Variants in MAF observed in about 807,000 individuals in gnomAD.
The protein encoded by MAF is transcription factor Maf.
In MAF, 10 loss-of-function variants were observed where a neutral mutation model predicts 22.0. The observed-to-expected ratio is 0.45, with a 90% CI of 0.28 to 0.77. The LOEUF (loss-of-function observed/expected upper bound fraction) is 0.77, where lower values mean the gene tolerates loss of function less well. Ranked by LOEUF, MAF falls within the 30% of genes least tolerant of loss-of-function variation. The pLI is 0.12. For synonymous variants in MAF, 337 were observed against 255.8 expected (o/e 1.32, Z -3.03); for missense variants, 544 against 548.4 (o/e 0.99, Z 0.08).
the MAF span, among the ~76,000 whole-genome samples, chr16:79,540,988 T>C: frequency 1.3e-5 from 2 of 151,812 alleles, no homozygotes. Context: ...TTACTACGGT[T>C]ACTACAACTG....
the MAF span, among the ~76,000 whole-genome samples, chr16:79,240,800 G>C: frequency 3.9e-5 from 6 of 152,014 alleles, no homozygotes; most frequent in South Asian, 4.2e-4. Flanking sequence ...GAGAGCTTCG[G>C]CTGGCATCTG....
the MAF span, among the ~76,000 whole-genome samples, chr16:79,305,340 T>G: frequency 2.0e-5 from 3 of 152,226 alleles, no homozygotes; most frequent in South Asian, 6.2e-4. Flanking sequence ...GCACCAGGAC[T>G]GCAGAGGTGA....
chr16:79,468,887 T>A, the MAF span, among the ~76,000 whole-genome samples: 1 of 152,154 alleles, frequency 6.6e-6, no homozygotes, highest in Non-Finnish European at 1.5e-5. Context: ...CGACCTCTTG[T>A]ACTTAATCCT....
the MAF span, among the ~76,000 whole-genome samples, chr16:79,335,391 CGAA>C: frequency 8.5e-5 from 13 of 152,074 alleles, no homozygotes; most frequent in South Asian, 6.3e-4. Flanking sequence ...CTGGCTTCTT[CGAA>C]GAAGAAGAGC....
the MAF span, among the ~76,000 whole-genome samples, chr16:79,425,593 T>C: frequency 1.3e-5 from 2 of 152,180 alleles, no homozygotes; most frequent in African/African-American, 4.8e-5. Flanking sequence ...GGATTAGGTA[T>C]TTGCCATCAT....
At chr16:79,434,619 C>T in the MAF span, among the ~76,000 whole-genome samples, 1 of 151,026 alleles carries the variant, frequency 6.6e-6, no homozygotes, top group Admixed American at 6.6e-5. Context: ...ACTTTTAAAG[C>T]ACAATATATA....
At chr16:79,237,850 G>A in the MAF span, among the ~76,000 whole-genome samples, 3 of 152,044 alleles carry the variant, frequency 2.0e-5, no homozygotes, top group Non-Finnish European at 2.9e-5. Flanking sequence ...ATGTCCCATG[G>A]GGGGCACAGT....
At chr16:79,458,657 TA>T in the MAF span, among the ~76,000 whole-genome samples, 1 of 152,208 alleles carries the variant, frequency 6.6e-6, no homozygotes, top group South Asian at 2.1e-4. Flanking sequence ...TCCTTTTACA[TA>T]AAAAAGTGGT....
chr16:79,207,486 ACT>A, the MAF span, among the ~76,000 whole-genome samples: 1 of 151,900 alleles, frequency 6.6e-6, no homozygotes, highest in Non-Finnish European at 1.5e-5. Context: ...TCCTTTCATA[ACT>A]CTACTTTTTG....
chr16:79,343,073 G>A, the MAF span, among the ~76,000 whole-genome samples: 119 of 152,246 alleles, frequency 7.8e-4, 3 homozygotes, highest in South Asian at 0.024. Flanking sequence ...CTGTGTTGGA[G>A]GCAAGAGAAA....
the MAF span, among the ~76,000 whole-genome samples, chr16:79,564,263 AG>A: frequency 8.3e-4 from 126 of 152,314 alleles, no homozygotes; most frequent in Middle Eastern, 3.4e-3. Flanking sequence ...TCTTGGTCCT[AG>A]GAAGTGTGCC....
chr16:79,566,404 C>T, the MAF span, among the ~76,000 whole-genome samples: 1 of 152,166 alleles, frequency 6.6e-6, no homozygotes, highest in South Asian at 2.1e-4. Context: ...ACTGCAAGAC[C>T]CCCAGTCCTC....
rs1019647966 is a variant in MAF, at chr16:79,600,319, T to C, written c.-417A>G. 25 of 205,698 alleles carry C rather than the reference T, an allele frequency of 1.2e-4. No individual in the cohort carries two copies. The highest frequency in any genetic ancestry group is 2.0e-4 in the Non-Finnish European group (19 of 92,862). 12.7% of individuals were successfully genotyped at this position (205,698 alleles called of 1,614,324 possible). A position where few individuals can be genotyped will look rare whatever the true frequency, so the allele number is the denominator to read the frequency against. ...TCGCCGCTCCGCTGCGCGCTTTGCA[T>C]AAGGAAGGGCTCGCCTCGCCGGCCC... On this transcript the variant is annotated 5_prime_UTR_variant, in exon 1 of 2. It removes an upstream start codon present in the reference 5' UTR. Transcript: ENST00000326043.
chr16:79,382,148 G>A, the MAF span, among the ~76,000 whole-genome samples: 2,475 of 152,224 alleles, frequency 0.016, 23 homozygotes, highest in Non-Finnish European at 0.025. Flanking sequence ...AAGCAAAGTC[G>A]CCAGCCTAGA....
the MAF span, among the ~76,000 whole-genome samples, chr16:79,559,267 G>A: frequency 6.6e-6 from 1 of 152,164 alleles, no homozygotes; most frequent in African/African-American, 2.4e-5. Context: ...ACCACTGTTA[G>A]AAGCAGACAG....
At position 79,599,877 on chromosome 16, in the gene MAF, T is replaced by G; in HGVS notation, c.26A>C (p.Asn9Thr). The G allele has an allele frequency of 6.2e-7, 1 of 1,605,288 alleles. No homozygotes were observed. Among genetic ancestry groups the G allele is most frequent in the African/African-American group, 1.3e-5 (1 of 74,598 alleles). Residue 9 changes from asparagine (N) to threonine (T), a missense_variant, in exon 1 of 2, where the codon AAC (asparagine) becomes ACC (threonine). Physicochemically the swap from Asn to Thr is moderately conservative, Grantham distance 65 (BLOSUM62 0). Coordinates refer to ENST00000326043, the MANE Select transcript of MAF (RefSeq NM_005360.5). ...CAGGGGACTGGTGGGCAGGTCGGAG[T>G]TGCTCATTGCCAGTTCTGATGCCAT... is the stretch of plus-strand genomic sequence containing the variant. MASELAMS[N>T]SDLPTSPLAM...
At chr16:79,330,050 G>T in the MAF span, among the ~76,000 whole-genome samples, 1 of 151,938 alleles carries the variant, frequency 6.6e-6, no homozygotes, top group South Asian at 2.1e-4. Flanking sequence ...AAATTTCAAC[G>T]CACCATTTTT....
the MAF span, among the ~76,000 whole-genome samples, chr16:79,452,206 A>G: frequency 6.6e-6 from 1 of 152,234 alleles, no homozygotes; most frequent in Non-Finnish European, 1.5e-5. Context: ...GACCCCTGAC[A>G]GAGTAGATAA....
At chr16:79,379,919 A>C in the MAF span, among the ~76,000 whole-genome samples, 1 of 152,208 alleles carries the variant, frequency 6.6e-6, no homozygotes, top group African/African-American at 2.4e-5. Context: ...GACTCCCCTC[A>C]GACACAGTTT....
Sources: gnomAD v4.1 joint callset for allele counts (sites outside exome capture counted in the v4.1 genomes callset) on GRCh38, gnomAD v4.1.1 for gene constraint, MANE v1.5 for transcripts, NCBI Gene and HGNC (gene_info 2026-07-23, HGNC 2026-07-21) for gene names.